Variants in SETDB1 observed in about 807,000 individuals in gnomAD.
SETDB1 encodes the protein histone-lysine N-methyltransferase SETDB1.
A neutral mutation model predicts 137.4 loss-of-function variants in SETDB1; 31 were observed. That is an observed-to-expected ratio of 0.23 (90% confidence interval 0.17 to 0.30). SETDB1 has a LOEUF of 0.30. Among genes scored for constraint, SETDB1 ranks in the 10% least tolerant of loss-of-function variants. The probability of loss-of-function intolerance (pLI) is 1.00; values close to 1 mark genes in which losing one functional copy is unlikely to be tolerated. For missense variants in SETDB1, 1,113 were observed against 1,631.5 expected, an observed-to-expected ratio of 0.68 and a Z score of 5.47; for synonymous variants, 548 against 579.9, an observed-to-expected ratio of 0.95 and a Z score of 0.79.
rs1048328231 is a variant in SETDB1, at chr1:150,964,652, C to T, written c.*288C>T. The T allele has an allele frequency of 1.6e-6, 1 of 608,288 alleles. No individual in the cohort carries two copies. Among genetic ancestry groups the T allele is most frequent in the Non-Finnish European group, 2.9e-6 (1 of 340,970 alleles). The allele number at this position is 608,288 out of a possible 1,614,324, so 37.7% of individuals were successfully genotyped here. A position where few individuals can be genotyped will look rare whatever the true frequency, so the allele number is the denominator to read the frequency against. On this transcript the variant is annotated 3_prime_UTR_variant, in exon 22 of 22. Transcript: ENST00000692827. Reference sequence around the variant, plus strand: ...TCCAAGTGTTCCTGCTTCTAACAGACTTTGTTCTTAGAATGGAGCCTGTGT... The same window carrying T: ...TCCAAGTGTTCCTGCTTCTAACAGATTTTGTTCTTAGAATGGAGCCTGTGT...
At chr1:150,938,848 A>T (rs1174148991) in intron 3 of SETDB1, among the ~76,000 whole-genome samples, 2 of 129,552 alleles carry the variant, frequency 1.5e-5, no homozygotes. Context: ...TTTTTTTGAG[A>T]CGGGGTCTTA....
intron 14 of SETDB1, among the ~76,000 whole-genome samples, chr1:150,955,141 G>A (rs1166033516): frequency 6.6e-6 from 1 of 152,222 alleles, no homozygotes; most frequent in Non-Finnish European, 1.5e-5. Flanking sequence ...TTGTTTAGTT[G>A]CATTGCTGTA....
upstream of SETDB1, chr1:150,926,313 C>T (rs1220435330): frequency 5.2e-6 from 1 of 193,734 alleles, no homozygotes; most frequent in South Asian, 7.9e-5. Flanking sequence ...TTGACCCCGT[C>T]AGGCTACCGT....
intron 9 of SETDB1, among the ~76,000 whole-genome samples, chr1:150,946,001 CTGTTT>C (rs3034037): frequency 0.56 from 83,666 of 149,254 alleles, 24,067 homozygotes; most frequent in Non-Finnish European, 0.64. Context: ...CACGCCTGGC[CTGTTT>C]TGTTTTGTTT....
At chr1:150,945,369 T>C in intron 9 of SETDB1, 1 of 1,272,702 alleles carries the variant, frequency 7.9e-7, no homozygotes, top group Non-Finnish European at 1.0e-6. Context: ...AGTATTCACA[T>C]TGTGTGTAGG....
At chr1:150,928,993 T>C (rs969591221) in intron 2 of SETDB1, among the ~76,000 whole-genome samples, 5 of 152,230 alleles carry the variant, frequency 3.3e-5, no homozygotes, top group Non-Finnish European at 7.3e-5. Flanking sequence ...CAGTCTATCA[T>C]TGATGGACAT....
chr1:150,930,274 T>C (rs1251034772), intron 3 of SETDB1, 156 bp downstream of exon 3: 6 of 614,390 alleles, frequency 9.8e-6, no homozygotes, highest in African/African-American at 7.3e-5. Flanking sequence ...AATGCAACAT[T>C]GTTAGTATCA....
chr1:150,944,094 G>A (rs1670248776), intron 8 of SETDB1, 101 bp downstream of exon 8: 3 of 841,114 alleles, frequency 3.6e-6, no homozygotes, highest in Non-Finnish European at 6.2e-6. Context: ...TGGTATTTCA[G>A]TCTCAAAGAG....
At position 150,943,203 on chromosome 1, in the gene SETDB1, T is replaced by C. The variant is rs1670215891; in HGVS notation, c.875+150T>C. 4 of 610,924 alleles carry C rather than the reference T, an allele frequency of 6.5e-6. No homozygotes were observed. The East Asian group carries it at 1.1e-4, about 17-fold the overall frequency. 37.8% of individuals were successfully genotyped at this position (610,924 alleles called of 1,614,324 possible). On this transcript the variant is annotated intron_variant, in intron 7 of 21. Transcript: ENST00000692827. ...CTCTTTCTTTACCACAGGAGTCATG[T>C]GGGTGATTCTTTCTTCCTCTTTCTC...
rs765817851 is a variant in SETDB1, at chr1:150,951,135, A to G, written c.2216+45A>G. On this transcript the variant is annotated intron_variant, in intron 13 of 21. Coordinates refer to ENST00000692827, the MANE Select transcript of SETDB1 (RefSeq NM_001366418.1). ...TGCTGCCCCTGCTTCCAACTTTGTT[A>G]TGGTGTCTGTTTCACCTCTTCCTTT... 11 of 1,569,124 alleles carry G rather than the reference A, an allele frequency of 7.0e-6. No individual in the cohort carries two copies. In the African/African-American group the frequency reaches 8.1e-5, roughly 12 times the overall value.
chr1:150,942,162 C>T (rs1466739771), intron 5 of SETDB1, among the ~76,000 whole-genome samples: 1 of 150,528 alleles, frequency 6.6e-6, no homozygotes, highest in Non-Finnish European at 1.5e-5. Context: ...AAAAATTGGC[C>T]GGGCACAGTG....
chr1:150,928,073 T>A (rs1669595823), intron 2 of SETDB1, 99 bp downstream of exon 2: 1 of 1,413,420 alleles, frequency 7.1e-7, no homozygotes, highest in Middle Eastern at 2.6e-4. Context: ...TATTTTATGT[T>A]TTGAGACGGA....
At position 150,960,738 on chromosome 1, in the gene SETDB1, C is replaced by T. The variant is rs1183856400; in HGVS notation, c.2679C>T (p.Asn893=). 2 of 1,611,196 alleles carry T rather than the reference C, an allele frequency of 1.2e-6. No individual in the cohort carries two copies. Among genetic ancestry groups the T allele is most frequent in the African/African-American group, 1.3e-5 (1 of 74,888 alleles). The change falls in exon 16 of 22, where the codon AAC becomes AAT. Residue 893 remains asparagine (N), a synonymous_variant. Coordinates refer to ENST00000692827, the MANE Select transcript of SETDB1 (RefSeq NM_001366418.1). The part of the protein sequence containing the change: ...GVDLKDQEDG[N]SGTEDPEESN... ...ACTTGAAGGACCAGGAAGATGGCAA[C>T]AGCGGTACAGAGGACCCTGAAGAGT... is the stretch of plus-strand genomic sequence containing the variant.
In SETDB1 at chr1:150,945,117, C is replaced by T; in HGVS notation, c.1140+9C>T. ...TCAGGATCCTCTTCCTGGTACTGTT[C>T]TTCTCTACAATTTTGGAGGCAGAGG... is the stretch of plus-strand genomic sequence containing the variant. On this transcript the variant is annotated intron_variant, in intron 9 of 21. Transcript: ENST00000692827. 2 of 1,613,892 alleles carry T rather than the reference C, an allele frequency of 1.2e-6. No individual in the cohort carries two copies. The highest frequency in any genetic ancestry group is 2.2e-5 in the East Asian group (1 of 44,880).
chr1:150,963,964 T>C (rs1670907620), intron 20 of SETDB1, 31 bp from the exon 21 acceptor site: 1 of 1,600,230 alleles, frequency 6.2e-7, no homozygotes, highest in South Asian at 1.1e-5. Context: ...GTTTCCCTGG[T>C]TCTTATTTGA....
At chr1:150,941,487 C>T in intron 5 of SETDB1, 59 bp downstream of exon 5, 3 of 1,037,452 alleles carry the variant, frequency 2.9e-6, no homozygotes, top group South Asian at 2.6e-5. Flanking sequence ...GAGATTTTGT[C>T]TTAAGTCTTA....
intron 19 of SETDB1, 97 bp from the exon 20 acceptor site, chr1:150,963,433 A>G (rs939206350): frequency 1.6e-5 from 17 of 1,076,162 alleles, no homozygotes; most frequent in Non-Finnish European, 2.3e-5. Context: ...TCTCAGCTGC[A>G]ATGTTGGGAG....
chr1:150,940,062 T>C, intron 4 of SETDB1, 88 bp downstream of exon 4: 1 of 887,960 alleles, frequency 1.1e-6, no homozygotes, highest in Admixed American at 2.0e-5. Context: ...AGTTTAGCTG[T>C]CAGTATCTAA....
chr1:150,942,759 C>T, intron 6 of SETDB1, 71 bp downstream of exon 6: 3 of 1,597,302 alleles, frequency 1.9e-6, no homozygotes, highest in Non-Finnish European at 2.6e-6. Flanking sequence ...GTTTCTTTTC[C>T]CCATAACCTT....
Sources: gnomAD v4.1 joint callset for allele counts (sites outside exome capture counted in the v4.1 genomes callset) on GRCh38, gnomAD v4.1.1 for gene constraint, MANE v1.5 for transcripts, NCBI Gene and HGNC (gene_info 2026-07-23, HGNC 2026-07-21) for gene names.